PTBP2: variants seen among roughly 807,000 people sequenced by gnomAD.
PTBP2 encodes polypyrimidine tract binding protein 2, also known as polypyrimidine tract-binding protein 2.
Under a neutral mutation model 61.4 loss-of-function variants are expected in PTBP2, and 13 were observed. That is an observed-to-expected ratio of 0.21 (90% CI 0.14 to 0.34). PTBP2 has a LOEUF of 0.34. Ranked by LOEUF, PTBP2 falls within the 10% of genes least tolerant of loss-of-function variation. PTBP2 has a pLI of 1.00. For missense variants in PTBP2, 405 were observed against 642.6 expected (o/e 0.63, Z 4.00); for synonymous variants, 215 against 218.5 (o/e 0.98, Z 0.14).
At chr1:96,729,817 A>G (rs768350875) in intron 2 of PTBP2, among the ~76,000 whole-genome samples, 2 of 148,526 alleles carry the variant, frequency 1.3e-5, no homozygotes, top group Admixed American at 1.4e-4. Context: ...GCTCAATGCA[A>G]CCTCCACGTC....
intron 8 of PTBP2, among the ~76,000 whole-genome samples, chr1:96,791,152 TA>T (rs551584030): frequency 4.8e-4 from 73 of 152,038 alleles, no homozygotes; most frequent in Non-Finnish European, 8.7e-4. Context: ...TATGTACAAT[TA>T]AAAAAAATCT....
At chr1:96,723,618 C>A in intron 2 of PTBP2, 24 bp downstream of exon 2, 1 of 1,554,112 alleles carries the variant, frequency 6.4e-7, no homozygotes, top group Non-Finnish European at 8.8e-7. Flanking sequence ...ATGTTTGAAA[C>A]TGGGATTGTT....
At chr1:96,774,337 T>A (rs1027633423) in intron 5 of PTBP2, among the ~76,000 whole-genome samples, 1 of 152,314 alleles carries the variant, frequency 6.6e-6, no homozygotes, top group Admixed American at 6.5e-5. Context: ...GCTACCAGTA[T>A]AACACCTGTT....
At chr1:96,785,542 T>C (rs1659123089) in intron 8 of PTBP2, among the ~76,000 whole-genome samples, 1 of 152,208 alleles carries the variant, frequency 6.6e-6, no homozygotes, top group South Asian at 2.1e-4. Flanking sequence ...GAAGAAATAC[T>C]GTTGAATTCT....
At chr1:96,734,728 A>G (rs1334129949) in intron 2 of PTBP2, among the ~76,000 whole-genome samples, 1 of 151,666 alleles carries the variant, frequency 6.6e-6, no homozygotes. Context: ...AGATCTAGAG[A>G]CTTGCTCAGG....
At chr1:96,782,782 G>A (rs1307656698) in intron 7 of PTBP2, among the ~76,000 whole-genome samples, 2 of 151,926 alleles carry the variant, frequency 1.3e-5, no homozygotes, top group East Asian at 1.9e-4. Flanking sequence ...AATAGTAAAC[G>A]ATGAGAAAAA....
At chr1:96,820,495 C>T (rs1246804571) in exon 14 of PTBP2, 2 of 151,634 alleles carry the variant, frequency 1.3e-5, no homozygotes, top group East Asian at 3.8e-4. Context: ...ACCAACTGAA[C>T]CAGCTGTGTA....
At chr1:96,784,931 A>G in intron 7 of PTBP2, 128 bp from the exon 8 acceptor site, 1 of 717,830 alleles carries the variant, frequency 1.4e-6, no homozygotes, top group Non-Finnish European at 2.2e-6. Context: ...GATATATGAA[A>G]TTTGAATCCT....
At position 96,791,826 on chromosome 1, in the gene PTBP2, C is replaced by CTTTTTTTTT. The variant is rs1163642886; in HGVS notation, c.904+6587_904+6595dup. Among the ~76,000 whole-genome samples, 104 of 66,022 alleles carry CTTTTTTTTT rather than the reference C, an allele frequency of 1.6e-3. 6 individuals are homozygous for CTTTTTTTTT. The highest frequency in any genetic ancestry group is 5.6e-3 in the East Asian group (13 of 2,328). The allele number at this position is 66,022 out of a possible 152,430, so 43.3% of individuals were successfully genotyped here. On this transcript the variant is annotated intron_variant, in intron 8 of 13. Coordinates refer to ENST00000674951, the MANE Select transcript of PTBP2 (RefSeq NM_021190.4). The stretch of plus-strand genomic sequence containing the variant: ...TCCACCTCTGTTGCTTGGAGTTGTG[C>CTTTTTTTTT]TTTTTTTTTTTTTTTTTTTTTTTGA...
rs752734225 is a variant in PTBP2 at position 96,804,839 on chromosome 1, C to T, written c.944C>T (p.Ala315Val). 6 of 1,611,648 alleles carry T rather than the reference C, an allele frequency of 3.7e-6. No homozygotes were observed. Among genetic ancestry groups the T allele is most frequent in the Non-Finnish European group, 5.1e-6 (6 of 1,178,228 alleles). The change falls in exon 9 of 14, where the codon GCT (alanine) becomes GTT (valine). Residue 315 changes from alanine (A) to valine (V), a missense_variant. Physicochemically the swap from Ala to Val is moderately conservative, Grantham distance 64. Around this residue, in one of 4 missense-constraint regions of PTBP2, gnomAD observed 342 missense variants for 491.2 expected, o/e 0.70. Transcript: ENST00000674951. ...GALSPLAIPNAAAAAAAAAAG... is the reference protein window; with the variant it reads ...GALSPLAIPNVAAAAAAAAAG... ...CTGAGTCCTTTGGCCATTCCAAATG[C>T]TGCTGCAGCAGCTGCTGCAGCTGCT...
intron 3 of PTBP2, among the ~76,000 whole-genome samples, chr1:96,759,652 T>C (rs1655568320): frequency 1.3e-5 from 2 of 152,210 alleles, no homozygotes; most frequent in Admixed American, 6.5e-5. Flanking sequence ...AATAGAAAAA[T>C]CTTAAAGGAA....
chr1:96,818,232 G>GT (rs1435448110), downstream of PTBP2: 3 of 151,896 alleles, frequency 2.0e-5, no homozygotes, highest in Non-Finnish European at 4.4e-5. Context: ...TATTGTCTTG[G>GT]TATGTTGTAT....
intron 3 of PTBP2, among the ~76,000 whole-genome samples, chr1:96,756,473 T>A (rs1655170823): frequency 6.6e-6 from 1 of 152,210 alleles, no homozygotes; most frequent in Non-Finnish European, 1.5e-5. Flanking sequence ...AAACTTAGTC[T>A]GCGCAGAAAG....
intron 2 of PTBP2, among the ~76,000 whole-genome samples, chr1:96,726,001 C>CGA (rs1650405104): frequency 7.6e-6 from 1 of 131,372 alleles, no homozygotes. Flanking sequence ...CATGAACCTG[C>CGA]GAGGCAGAGG....
chr1:96,780,493 A>C (rs1359060336), intron 7 of PTBP2, among the ~76,000 whole-genome samples: 2 of 152,106 alleles, frequency 1.3e-5, no homozygotes, highest in African/African-American at 4.8e-5. Flanking sequence ...GTCACCAGCG[A>C]TTAGTAGAGT....
At chr1:96,781,601 T>A (rs182331140) in intron 7 of PTBP2, among the ~76,000 whole-genome samples, 1 of 152,060 alleles carries the variant, frequency 6.6e-6, no homozygotes, top group East Asian at 1.9e-4. Context: ...CAAGTATCAG[T>A]TTAGAAGCCT....
chr1:96,794,168 G>A (rs111288887), intron 8 of PTBP2, among the ~76,000 whole-genome samples: 8 of 152,132 alleles, frequency 5.3e-5, no homozygotes, highest in African/African-American at 1.2e-4. Context: ...GTGACAATCC[G>A]TTGATACTTG....
intron 7 of PTBP2, among the ~76,000 whole-genome samples, chr1:96,780,117 C>T (rs1002419823): frequency 2.0e-5 from 3 of 152,014 alleles, no homozygotes; most frequent in Non-Finnish European, 2.9e-5. Context: ...TCACACTTGT[C>T]TTTCTCTTTT....
chr1:96,785,003 TC>T, intron 7 of PTBP2, 55 bp from the exon 8 acceptor site: 1 of 1,301,248 alleles, frequency 7.7e-7, no homozygotes, highest in African/African-American at 1.6e-5. Flanking sequence ...AATTATACTT[TC>T]ACTAATTTTT....
Sources: gnomAD v4.1 joint callset for allele counts (sites outside exome capture counted in the v4.1 genomes callset) on GRCh38, gnomAD v4.1.1 for gene constraint, gnomAD v4.1.1 regional missense constraint, MANE v1.5 for transcripts, NCBI Gene and HGNC (gene_info 2026-07-23, HGNC 2026-07-21) for gene names.